Variants in STK32B observed in about 807,000 individuals in gnomAD.
STK32B encodes the protein serine/threonine-protein kinase 32B.
In STK32B, 43 loss-of-function variants were observed where a neutral mutation model predicts 52.6. That is an observed-to-expected ratio of 0.82 (90% CI 0.64 to 1.05). The LOEUF (loss-of-function observed/expected upper bound fraction) is 1.05, where lower values mean the gene tolerates loss of function less well. Ranked by LOEUF, STK32B falls within the 50% of genes least tolerant of loss-of-function variation. The probability of loss-of-function intolerance (pLI) is 0.00; values close to 1 mark genes in which losing one functional copy is unlikely to be tolerated. For synonymous variants in STK32B, 238 were observed against 204.3 expected, an observed-to-expected ratio of 1.17 and a Z score of -1.41; for missense variants, 621 against 534.6, an observed-to-expected ratio of 1.16 and a Z score of -1.59.
At position 5,489,828 on chromosome 4, in the gene STK32B, T is replaced by G. The variant is rs566900758; in HGVS notation, c.1107-9117T>G. 3.9e-5 allele frequency among the ~76,000 whole-genome samples: 6 copies of G among 152,266 alleles called. No individual in the cohort carries two copies. In the South Asian group the frequency reaches 1.2e-3, roughly 32 times the overall value. ...ATATTTTATATGAGTGCTCATTTAT[T>G]GAAATCAATCAAAATACAATTTCTT... On this transcript the variant is annotated intron_variant, in intron 11 of 11. Transcript: ENST00000282908.
chr4:5,124,598 T>G (rs2108814480), intron 1 of STK32B, among the ~76,000 whole-genome samples: 1 of 152,272 alleles, frequency 6.6e-6, no homozygotes, highest in South Asian at 2.1e-4. Flanking sequence ...ACACTACAGG[T>G]CATAGATATA....
Position 5,437,703 on chromosome 4 carries a change from A to G in STK32B, c.563-8970A>G, listed in dbSNP as rs138535991. Reference sequence around the variant, plus strand: ...TCAGAAAAATGAAGATCATAGTAGCATTTATCCTGTTGGGTGGTTGGGAGA... The same window carrying G: ...TCAGAAAAATGAAGATCATAGTAGCGTTTATCCTGTTGGGTGGTTGGGAGA... On this transcript the variant is annotated intron_variant, in intron 6 of 11. Coordinates refer to ENST00000282908, the MANE Select transcript of STK32B (RefSeq NM_018401.3). Among the ~76,000 whole-genome samples the G allele has an allele frequency of 4.7e-3, 719 of 152,304 alleles. 19 individuals are homozygous for G. The East Asian group carries it at 0.069, about 15-fold the overall frequency.
intron 3 of STK32B, among the ~76,000 whole-genome samples, chr4:5,196,626 CAGA>C (rs1721697224): frequency 6.6e-6 from 1 of 151,886 alleles, no homozygotes; most frequent in African/African-American, 2.4e-5. Context: ...GAGGCTGAGG[CAGA>C]AGAATTGCTT....
At chr4:5,184,695 A>AAAAAAAAG (rs58321341) in intron 3 of STK32B, among the ~76,000 whole-genome samples, 20,900 of 134,186 alleles carry the variant, frequency 0.16, 2,663 homozygotes, top group East Asian at 0.23. Context: ...AAAAAAAAAA[A>AAAAAAAAG]AAGAAGAAGA....
intron 11 of STK32B, among the ~76,000 whole-genome samples, chr4:5,482,017 G>A (rs1418085457): frequency 6.6e-6 from 1 of 152,148 alleles, no homozygotes; most frequent in Non-Finnish European, 1.5e-5. Context: ...GTCAGGTAGT[G>A]TGATGCCTCC....
chr4:5,218,487 A>G (rs1723318810), intron 3 of STK32B, among the ~76,000 whole-genome samples: 1 of 152,224 alleles, frequency 6.6e-6, no homozygotes, highest in South Asian at 2.1e-4. Context: ...GTAAGACTGC[A>G]CATTTCTTTG....
At position 5,375,409 on chromosome 4, in the gene STK32B, A is replaced by G. The variant is rs143677577; in HGVS notation, c.435-22798A>G. 3.8e-4 allele frequency among the ~76,000 whole-genome samples: 57 copies of G among 151,928 alleles called. No individual in the cohort carries two copies. In the Middle Eastern group the frequency reaches 0.01, roughly 27 times the overall value. ...TAGTAGACTTGTTGATAAATCTGCT[A>G]TTTTTCTTTATCATTTTTCTCTTAT... On this transcript the variant is annotated intron_variant, in intron 4 of 11. Transcript: ENST00000282908.
At chr4:5,216,494 G>C (rs1178207094) in intron 3 of STK32B, among the ~76,000 whole-genome samples, 9 of 152,196 alleles carry the variant, frequency 5.9e-5, no homozygotes, top group Admixed American at 5.9e-4. Flanking sequence ...TCTGGCATCA[G>C]GGTCTGAGTC....
At chr4:5,268,166 C>T (rs905845860) in intron 3 of STK32B, among the ~76,000 whole-genome samples, 2 of 152,114 alleles carry the variant, frequency 1.3e-5, no homozygotes, top group Non-Finnish European at 2.9e-5. Context: ...AAGAAAGTTT[C>T]ACTTTGATAT....
At chr4:5,124,217 GTC>G (rs1715227888) in intron 1 of STK32B, among the ~76,000 whole-genome samples, 1 of 152,146 alleles carries the variant, frequency 6.6e-6, no homozygotes, top group African/African-American at 2.4e-5. Flanking sequence ...CAGAGAAAAA[GTC>G]CCGAAATCTC....
chr4:5,196,334 GTTTTTTTT>G (rs35605834), intron 3 of STK32B, among the ~76,000 whole-genome samples: 3,497 of 87,828 alleles, frequency 0.04, 55 homozygotes, highest in South Asian at 0.059. Flanking sequence ...TCTTTCTTCA[GTTTTTTTT>G]TTTTTTTTTT....
chr4:5,346,790 TAAAG>T (rs33928721), intron 4 of STK32B, among the ~76,000 whole-genome samples: 37,295 of 151,906 alleles, frequency 0.25, 6,174 homozygotes, highest in African/African-American at 0.48. Flanking sequence ...CACACTGTTA[TAAAG>T]AAATATCCAA....
At chr4:5,212,769 G>A (rs570619271) in intron 3 of STK32B, among the ~76,000 whole-genome samples, 15 of 152,200 alleles carry the variant, frequency 9.9e-5, no homozygotes, top group African/African-American at 1.7e-4. Context: ...ATATTTGCAC[G>A]AGGTTGGGGC....
chr4:5,190,611 C>G, intron 3 of STK32B, among the ~76,000 whole-genome samples: 1 of 152,240 alleles, frequency 6.6e-6, no homozygotes, highest in East Asian at 1.9e-4. Context: ...GAAGAGTGCC[C>G]GCTTTCTCAT....
At chr4:5,322,681 C>T (rs369383745) in intron 3 of STK32B, among the ~76,000 whole-genome samples, 1 of 152,174 alleles carries the variant, frequency 6.6e-6, no homozygotes, top group Non-Finnish European at 1.5e-5. Context: ...CCAGACTCTT[C>T]CTTTCCCTTT....
chr4:5,441,915 T>G lies in STK32B; in HGVS notation c.563-4758T>G, dbSNP rs1236395371. Among the ~76,000 whole-genome samples the G allele has an allele frequency of 2.5e-3, 341 of 134,114 alleles. 1 individual carries two copies. The highest frequency in any genetic ancestry group is 9.1e-3 in the African/African-American group (320 of 35,224). 88.0% of individuals were successfully genotyped at this position (134,114 alleles called of 152,430 possible). On this transcript the variant is annotated intron_variant, in intron 6 of 11. Transcript: ENST00000282908. ...CAGTTTCCATGTAGTTGAGCAGTTT[T>G]GAGTGAGATTCTTAATCCTGAGTTC... is the stretch of plus-strand genomic sequence containing the variant.
intron 6 of STK32B, chr4:5,438,100 G>A (rs1714272177): frequency 1.0e-6 from 1 of 985,542 alleles, no homozygotes; most frequent in Non-Finnish European, 1.2e-6. Flanking sequence ...GAACACCTCG[G>A]CACACACAGC....
At chr4:5,490,042 C>T (rs1006489917) in intron 11 of STK32B, among the ~76,000 whole-genome samples, 1 of 151,384 alleles carries the variant, frequency 6.6e-6, no homozygotes, top group Non-Finnish European at 1.5e-5. Context: ...GATGGTTGGA[C>T]CCAAATTATT....
chr4:5,189,023 A>G (rs1720972169), intron 3 of STK32B, among the ~76,000 whole-genome samples: 1 of 150,206 alleles, frequency 6.7e-6, no homozygotes. Flanking sequence ...TTAAAAAAAA[A>G]AAAGAAAAAC....
Sources: gnomAD v4.1 joint callset for allele counts (sites outside exome capture counted in the v4.1 genomes callset) on GRCh38, gnomAD v4.1.1 for gene constraint, MANE v1.5 for transcripts, NCBI Gene and HGNC (gene_info 2026-07-23, HGNC 2026-07-21) for gene names.